The following FRMD3 variants were observed in gnomAD, a reference collection of about 807,000 sequenced individuals.
FRMD3 encodes the protein FERM domain containing 3.
In FRMD3, 33 loss-of-function variants were observed where a neutral mutation model predicts 70.2. The ratio of observed to expected loss-of-function variants is 0.47; its 90% confidence interval spans 0.36 to 0.63. The LOEUF is 0.63. FRMD3 is among the 20% of genes least tolerant of loss of function. The probability of loss-of-function intolerance (pLI) is 0.00; values close to 1 mark genes in which losing one functional copy is unlikely to be tolerated. For missense variants in FRMD3, 632 were observed against 711.4 expected (o/e 0.89, Z 1.27); for synonymous variants, 279 against 255.9 (o/e 1.09, Z -0.86).
At chr9:83,486,149 T>A (rs963266891) in intron 1 of FRMD3, among the ~76,000 whole-genome samples, 1 of 152,244 alleles carries the variant, frequency 6.6e-6, no homozygotes, top group South Asian at 2.1e-4. Flanking sequence ...TTGAATAATA[T>A]CCTATGAATA....
chr9:83,539,112 GA>G (rs2131570573), upstream of FRMD3, among the ~76,000 whole-genome samples: 1 of 152,306 alleles, frequency 6.6e-6, no homozygotes, highest in East Asian at 1.9e-4. Flanking sequence ...GAGCAAGAGG[GA>G]TAGGTTCCTA....
chr9:83,476,202 G>T (rs1191413399), intron 1 of FRMD3, among the ~76,000 whole-genome samples: 1 of 152,110 alleles, frequency 6.6e-6, no homozygotes, highest in Non-Finnish European at 1.5e-5. Flanking sequence ...TGGCCAACAT[G>T]GCAAAACCCC....
intron 4 of FRMD3, among the ~76,000 whole-genome samples, chr9:83,345,801 C>T (rs970225826): frequency 6.6e-6 from 1 of 151,718 alleles, no homozygotes; most frequent in Non-Finnish European, 1.5e-5. Context: ...AATTAAGTTC[C>T]AGGGGATGCT....
At chr9:83,348,817 C>T (rs542907128) in intron 4 of FRMD3, among the ~76,000 whole-genome samples, 61 of 152,182 alleles carry the variant, frequency 4.0e-4, no homozygotes, top group Non-Finnish European at 7.5e-4. Flanking sequence ...CCACCTGCTC[C>T]CTCCCAAAGT....
intron 1 of FRMD3, among the ~76,000 whole-genome samples, chr9:83,498,594 T>C (rs2063989204): frequency 6.6e-6 from 1 of 152,226 alleles, no homozygotes; most frequent in Non-Finnish European, 1.5e-5. Flanking sequence ...ATACTAGCTG[T>C]ATTTCATATG....
At chr9:83,570,961 T>A in the FRMD3 span, among the ~76,000 whole-genome samples, 1 of 152,184 alleles carries the variant, frequency 6.6e-6, no homozygotes, top group Non-Finnish European at 1.5e-5. Context: ...AAAATGACTC[T>A]GCTATGTTTT....
rs746183365 is a variant in FRMD3 at position 83,299,194 on chromosome 9, A to C, written c.927-8T>G. 1 of 1,602,038 alleles carries C rather than the reference A, an allele frequency of 6.2e-7. No homozygotes were observed. The highest frequency in any genetic ancestry group is 8.5e-7 in the Non-Finnish European group (1 of 1,171,268). ...TGACTGGATTTTGCATACCTTTAAG[A>C]AAAAGCAAAGCACAGGTGGTTAGGA... On this transcript the variant is annotated splice_polypyrimidine_tract_variant and splice_region_variant and intron_variant, in intron 10 of 13. Coordinates refer to ENST00000304195, the MANE Select transcript of FRMD3 (RefSeq NM_174938.6).
the FRMD3 span, among the ~76,000 whole-genome samples, chr9:83,565,812 C>T: frequency 0.018 from 2,677 of 152,286 alleles, 93 homozygotes; most frequent in African/African-American, 0.059. Flanking sequence ...TTAGGCAATA[C>T]GGCAGGCCAG....
intron 1 of FRMD3, among the ~76,000 whole-genome samples, chr9:83,478,271 T>G (rs1828445157): frequency 6.6e-6 from 1 of 152,218 alleles, no homozygotes; most frequent in Admixed American, 6.5e-5. Context: ...CCTAACTCAG[T>G]TGTTTTCCTA....
At chr9:83,543,647 G>A in the FRMD3 span, among the ~76,000 whole-genome samples, 1 of 152,180 alleles carries the variant, frequency 6.6e-6, no homozygotes, top group Non-Finnish European at 1.5e-5. Flanking sequence ...GGACCCAGGA[G>A]AGCTGAGGGT....
At chr9:83,267,165 C>T in intron 13 of FRMD3, 5 of 1,550,570 alleles carry the variant, frequency 3.2e-6, no homozygotes, top group Non-Finnish European at 4.4e-6. Flanking sequence ...CCCTTGGTCT[C>T]CTCGGCCTGC....
intron 1 of FRMD3, among the ~76,000 whole-genome samples, chr9:83,528,296 G>A (rs369990861): frequency 2.7e-5 from 4 of 149,124 alleles, no homozygotes; most frequent in African/African-American, 7.4e-5. Context: ...TATAAACGCA[G>A]ACACACACAC....
intron 1 of FRMD3, among the ~76,000 whole-genome samples, chr9:83,508,314 T>G (rs1327062941): frequency 6.6e-6 from 1 of 152,212 alleles, no homozygotes; most frequent in Admixed American, 6.5e-5. Context: ...GTGTTAGGCA[T>G]GCTGTGTTTC....
intron 1 of FRMD3, among the ~76,000 whole-genome samples, chr9:83,404,374 T>C (rs1564060827): frequency 1.3e-5 from 2 of 152,244 alleles, no homozygotes; most frequent in South Asian, 2.1e-4. Flanking sequence ...CCTCTGCCTT[T>C]TTTTTAACTC....
chr9:83,272,317 G>C (rs1342388369), intron 13 of FRMD3, among the ~76,000 whole-genome samples: 4 of 151,796 alleles, frequency 2.6e-5, no homozygotes, highest in Non-Finnish European at 5.9e-5. Flanking sequence ...TGTGTTGGCC[G>C]GGCTGGTCTC....
intron 1 of FRMD3, among the ~76,000 whole-genome samples, chr9:83,534,704 C>A (rs560287267): frequency 6.6e-6 from 1 of 152,322 alleles, no homozygotes; most frequent in Non-Finnish European, 1.5e-5. Context: ...GTGTATCAAA[C>A]CTAACAAGGC....
chr9:83,477,561 C>T (rs1035558213), intron 1 of FRMD3, among the ~76,000 whole-genome samples: 3 of 152,166 alleles, frequency 2.0e-5, no homozygotes, highest in African/African-American at 7.2e-5. Context: ...AGGTTGAGAA[C>T]CACCTCCCCA....
At chr9:83,292,803 A>G (rs956348332) in intron 12 of FRMD3, among the ~76,000 whole-genome samples, 1 of 152,120 alleles carries the variant, frequency 6.6e-6, no homozygotes, top group African/African-American at 2.4e-5. Context: ...ATCTGCCACC[A>G]TGCCCAGCTA....
At chr9:83,311,781 A>G in intron 8 of FRMD3, 106 bp downstream of exon 8, 1 of 810,222 alleles carries the variant, frequency 1.2e-6, no homozygotes, top group East Asian at 2.5e-5. Flanking sequence ...AGGCAAGGAA[A>G]TGGATACCAG....
Sources: allele counts gnomAD v4.1 joint callset (sites outside exome capture counted in the v4.1 genomes callset), GRCh38; gene constraint gnomAD v4.1.1; transcripts MANE v1.5; gene names NCBI Gene and HGNC (gene_info 2026-07-23, HGNC 2026-07-21).